The following RELN variants were observed in gnomAD, a reference collection of about 807,000 sequenced individuals.
The protein encoded by RELN is reelin.
A neutral mutation model predicts 427.6 loss-of-function variants in RELN; 108 were observed. That is an observed-to-expected ratio of 0.25 (90% CI 0.22 to 0.30). The LOEUF (loss-of-function observed/expected upper bound fraction) is 0.30. Among genes scored for constraint, RELN ranks in the 10% least tolerant of loss-of-function variants. The pLI, the probability that RELN is intolerant of heterozygous loss-of-function variation, is 1.00. For synonymous variants in RELN, 1,524 were observed against 1,513.4 expected (o/e 1.01, Z -0.16); for missense variants, 3,715 against 4,302.8 (o/e 0.86, Z 3.82).
At position 103,603,820 on chromosome 7, in the gene RELN, TA is replaced by T; in HGVS notation, c.3147-331del. ...GGATAGTGGGATTTCCCTATTGCCT[TA>T]AAAAATCACATATAAATGTCTGTCT... On this transcript the variant is annotated intron_variant, in intron 23 of 64. Coordinates refer to ENST00000428762, the MANE Select transcript of RELN (RefSeq NM_005045.4). This position sits in a 1 kb window ranked among gnomAD's most constrained non-coding sequence, Gnocchi z 4.3. 6.6e-6 allele frequency among the ~76,000 whole-genome samples: 1 copy of T among 152,284 alleles called. No individual in the cohort carries two copies. The highest frequency in any genetic ancestry group is 6.5e-5 in the Admixed American group (1 of 15,296).
At chr7:103,839,418 T>C (rs1793498059) in intron 2 of RELN, among the ~76,000 whole-genome samples, 2 of 150,466 alleles carry the variant, frequency 1.3e-5, no homozygotes. Context: ...CTATTAGAAA[T>C]CCATTGATCT....
chr7:103,825,348 T>C (rs976844408), intron 3 of RELN, among the ~76,000 whole-genome samples: 2 of 152,184 alleles, frequency 1.3e-5, no homozygotes, highest in African/African-American at 4.8e-5. Flanking sequence ...CTGGGCACTG[T>C]AAGGGATGAT....
chr7:103,788,159 C>T (rs1238067989), intron 3 of RELN, among the ~76,000 whole-genome samples: 2 of 152,170 alleles, frequency 1.3e-5, no homozygotes, highest in Non-Finnish European at 2.9e-5. Flanking sequence ...TAAAAACACT[C>T]AATAAACTAG....
intron 46 of RELN, 62 bp downstream of exon 46, chr7:103,535,254 G>A: frequency 4.0e-6 from 6 of 1,503,802 alleles, no homozygotes; most frequent in Non-Finnish European, 5.6e-6. Flanking sequence ...CATGCCAAAT[G>A]TTATCACATT....
intron 42 of RELN, among the ~76,000 whole-genome samples, chr7:103,544,242 T>C (rs1830237896): frequency 9.1e-6 from 1 of 110,342 alleles, no homozygotes; most frequent in Non-Finnish European, 1.8e-5. Context: ...TTTTTTTTTT[T>C]TTTTTTTTTT....
chr7:103,847,535 T>C (rs1387043952), intron 2 of RELN, among the ~76,000 whole-genome samples: 3 of 152,146 alleles, frequency 2.0e-5, no homozygotes, highest in Non-Finnish European at 4.4e-5. Context: ...CTGCATGTCC[T>C]GCACATGTAC....
rs747927297 is a variant in RELN, at chr7:103,773,251, C to CT, written c.544+3305_544+3306insA. Among the ~76,000 whole-genome samples the CT allele has an allele frequency of 4.1e-4, 51 of 125,658 alleles. 4 individuals carry two copies. Among genetic ancestry groups the CT allele is most frequent in the Non-Finnish European group, 7.3e-4 (43 of 59,222 alleles). The allele number at this position is 125,658 out of a possible 152,430, so 82.4% of individuals were successfully genotyped here. A position where few individuals can be genotyped will look rare whatever the true frequency, so the allele number is the denominator to read the frequency against. ...CCTCGCTCCCTCCCTGTCTCTCTCT[C>CT]CCTCCCTCCCTCTCTCCCTGTCTCT... On this transcript the variant is annotated intron_variant, in intron 4 of 64. Coordinates refer to ENST00000428762, the MANE Select transcript of RELN (RefSeq NM_005045.4).
intron 22 of RELN, among the ~76,000 whole-genome samples, chr7:103,608,001 C>A (rs1418402619): frequency 6.6e-6 from 1 of 152,190 alleles, no homozygotes; most frequent in Non-Finnish European, 1.5e-5. Flanking sequence ...GTTGCCCTAT[C>A]TAGCACATTT....
chr7:103,732,574 T>C (rs1790381582), intron 6 of RELN, among the ~76,000 whole-genome samples: 1 of 152,078 alleles, frequency 6.6e-6, no homozygotes. Flanking sequence ...AGAAGGCAAC[T>C]GGTGGTCATG....
chr7:103,760,162 T>C (rs187142050), intron 4 of RELN, among the ~76,000 whole-genome samples: 1 of 152,006 alleles, frequency 6.6e-6, no homozygotes, highest in Admixed American at 6.6e-5. Flanking sequence ...TAAACATGGA[T>C]CCTTAGATAG....
chr7:103,481,718 C>T (rs572650140), intron 63 of RELN, among the ~76,000 whole-genome samples: 1 of 152,276 alleles, frequency 6.6e-6, no homozygotes, highest in East Asian at 1.9e-4. Context: ...ATTTGGAAAT[C>T]TCTCTATGGC....
chr7:103,611,668 G>A lies in RELN; in HGVS notation c.2838C>T (p.Asn946=). ...TGGTTGAGTACTCCAGCTTCACCTG[G>A]TTGTCCATGTGTGGGGTGTATTTCT... ...CGQKYTPHMD[N]QVKLEYSTNH... is the part of the protein sequence containing the mutation. Residue 946 remains asparagine (N), a synonymous_variant, in exon 21 of 65, where the codon AAC becomes AAT. Coordinates refer to ENST00000428762, the MANE Select transcript of RELN (RefSeq NM_005045.4). 2 of 1,613,770 alleles carry A rather than the reference G, an allele frequency of 1.2e-6. No individual in the cohort carries two copies. The highest frequency in any genetic ancestry group is 2.2e-5 in the East Asian group (1 of 44,792).
chr7:103,490,262 T>C (rs1828604206), intron 59 of RELN, among the ~76,000 whole-genome samples: 1 of 152,220 alleles, frequency 6.6e-6, no homozygotes. Context: ...CAGCTTTGTG[T>C]AACCTGTCAG....
intron 62 of RELN, 76 bp downstream of exon 62, chr7:103,483,577 C>T (rs762164788): frequency 3.3e-6 from 5 of 1,493,946 alleles, no homozygotes; most frequent in Non-Finnish European, 4.7e-6. Context: ...CCAACTTCTA[C>T]CTCAAACTTT....
At chr7:103,578,238 C>A (rs1310576365) in intron 28 of RELN, among the ~76,000 whole-genome samples, 5 of 152,050 alleles carry the variant, frequency 3.3e-5, no homozygotes, top group African/African-American at 1.2e-4. Context: ...GATCCTAAGG[C>A]TTCTATAGAC....
In RELN at chr7:103,907,414, G is replaced by GAAAAAAAAAAAAAAAA. The variant is rs1795234328; in HGVS notation, c.337+9660_337+9661insTTTTTTTTTTTTTTTT. On this transcript the variant is annotated intron_variant, in intron 2 of 64. Coordinates refer to ENST00000428762, the MANE Select transcript of RELN (RefSeq NM_005045.4). ...GCCTGGGCAACAAGATCAAGGCTCT[G>GAAAAAAAAAAAAAAAA]GAAAAAAAAAAAAAAAAAAAAAAAA... Among the ~76,000 whole-genome samples the GAAAAAAAAAAAAAAAA allele has an allele frequency of 5.0e-5, 2 of 39,714 alleles. 1 individual carries two copies. Among genetic ancestry groups the GAAAAAAAAAAAAAAAA allele is most frequent in the Non-Finnish European group, 8.4e-5 (2 of 23,714 alleles). The allele number at this position is 39,714 out of a possible 152,430, so 26.1% of individuals were successfully genotyped here.
chr7:103,691,554 T>A (rs1458879162), intron 10 of RELN, among the ~76,000 whole-genome samples: 1 of 152,116 alleles, frequency 6.6e-6, no homozygotes, highest in Non-Finnish European at 1.5e-5. Flanking sequence ...GGCTCACACC[T>A]GTAATCCCAG....
chr7:103,568,467 G>T (rs1030238375), intron 31 of RELN, among the ~76,000 whole-genome samples: 5 of 152,188 alleles, frequency 3.3e-5, no homozygotes, highest in African/African-American at 1.2e-4. Flanking sequence ...CTATATACAG[G>T]TGTGGGGATG....
At chr7:103,543,165 A>G (rs1378266623) in intron 42 of RELN, among the ~76,000 whole-genome samples, 2 of 152,182 alleles carry the variant, frequency 1.3e-5, no homozygotes, top group African/African-American at 4.8e-5. Context: ...TCACACTGAA[A>G]AAAAGGACAC....
Sources: allele counts gnomAD v4.1 joint callset (sites outside exome capture counted in the v4.1 genomes callset), GRCh38; gene constraint gnomAD v4.1.1; non-coding constraint Gnocchi (gnomAD v3.1); transcripts MANE v1.5; gene names NCBI Gene and HGNC (gene_info 2026-07-23, HGNC 2026-07-21).